Variants in DLG4 observed in about 807,000 individuals in gnomAD.
DLG4 encodes the protein disks large homolog 4.
DLG4 carries 7 observed loss-of-function variants against 93.8 expected under a neutral mutation model. The observed-to-expected ratio is 0.07, with a 90% CI of 0.04 to 0.14. The LOEUF (loss-of-function observed/expected upper bound fraction) is 0.14, where lower values mean the gene tolerates loss of function less well. DLG4 is among the 10% of genes least tolerant of loss of function. The pLI, the probability that DLG4 is intolerant of heterozygous loss-of-function variation, is 1.00. For missense variants in DLG4, 545 were observed against 992.9 expected, an observed-to-expected ratio of 0.55 and a Z score of 6.06; for synonymous variants, 341 against 387.6, an observed-to-expected ratio of 0.88 and a Z score of 1.41.
intron 1 of DLG4, among the ~76,000 whole-genome samples, chr17:7,213,101 T>TC (rs200498554): frequency 0.041 from 5,634 of 137,404 alleles, 313 homozygotes; most frequent in African/African-American, 0.14. Context: ...CTTTCTTTTT[T>TC]TTTTTTTTTT....
chr17:7,204,469 G>T (rs2070349906), intron 2 of DLG4: 2 of 524,368 alleles, frequency 3.8e-6, no homozygotes, highest in Non-Finnish European at 6.7e-6. Context: ...ATGCACACGC[G>T]CAAGGATCTA....
At chr17:7,216,134 G>A (rs771175159) in intron 1 of DLG4, among the ~76,000 whole-genome samples, 3 of 151,600 alleles carry the variant, frequency 2.0e-5, no homozygotes, top group Non-Finnish European at 4.4e-5. Flanking sequence ...AGTAACCTCA[G>A]TAACTTCGGT....
rs1344747675 is a variant in DLG4, at chr17:7,187,223, G to A, written c.*3485C>T. On this transcript the variant is annotated 3_prime_UTR_variant, in exon 20 of 20. Transcript: ENST00000399506. ...ATTTATTTGAATTGTTGTCAGGTACGTGTACTGATTATAATTTACAAAATA... is the reference window on the plus strand; with the variant it reads ...ATTTATTTGAATTGTTGTCAGGTACATGTACTGATTATAATTTACAAAATA... Among the ~76,000 whole-genome samples, 10 of 147,624 alleles carry A rather than the reference G, an allele frequency of 6.8e-5. No individual in the cohort carries two copies. The highest frequency in any genetic ancestry group is 6.4e-4 in the South Asian group (3 of 4,692).
Position 7,207,413 on chromosome 17 carries a change from G to T in DLG4, c.96+761C>A, listed in dbSNP as rs1473317324. Among the ~76,000 whole-genome samples, 4 of 152,152 alleles carry T rather than the reference G, an allele frequency of 2.6e-5. No homozygotes were observed. The East Asian group carries it at 7.7e-4, about 29-fold the overall frequency. Reference sequence around the variant, plus strand: ...AGAGGGGGAAGAGAACTCAGGAGTGGAGCAAAGCTGGGGCAGGGGACGAGG... The same window carrying T: ...AGAGGGGGAAGAGAACTCAGGAGTGTAGCAAAGCTGGGGCAGGGGACGAGG... On this transcript the variant is annotated intron_variant, in intron 2 of 19. Coordinates refer to ENST00000399506, the MANE Select transcript of DLG4 (RefSeq NM_001321075.3).
At position 7,196,155 on chromosome 17, in the gene DLG4, G is replaced by A. The variant is rs558401005; in HGVS notation, c.1301+65C>T. 1.5e-5 allele frequency: 19 copies of A among 1,293,604 alleles called. No individual in the cohort carries two copies. The highest frequency in any genetic ancestry group is 4.8e-5 in the East Asian group (2 of 42,078). The allele number at this position is 1,293,604 out of a possible 1,614,324, so 80.1% of individuals were successfully genotyped here. A position where few individuals can be genotyped will look rare whatever the true frequency, so the allele number is the denominator to read the frequency against. ...TGGAGAAGAGGAGCGGCTGAGGCCC[G>A]GGCCAGGCACAGAGTGCCCAGGAAC... On this transcript the variant is annotated intron_variant, in intron 11 of 19. Transcript: ENST00000399506. This position sits in a 1 kb window ranked among gnomAD's most constrained non-coding sequence, Gnocchi z 8.3.
chr17:7,213,091 C>CTTTTTTTTTTTTTTTT (rs1567551398), intron 1 of DLG4, among the ~76,000 whole-genome samples: 1 of 99,538 alleles, frequency 1.0e-5, no homozygotes, highest in African/African-American at 4.1e-5. Context: ...TTCTTTCTTT[C>CTTTTTTTTTTTTTTTT]TTTCTTTTTT....
At chr17:7,216,585 G>A (rs999005904) in intron 1 of DLG4, among the ~76,000 whole-genome samples, 3 of 152,076 alleles carry the variant, frequency 2.0e-5, no homozygotes, top group Non-Finnish European at 2.9e-5. Context: ...CCTAAATGCA[G>A]CCACCACGAG....
chr17:7,196,829 G>A lies in DLG4; in HGVS notation c.1011C>T (p.Phe337=). Residue 337 remains phenylalanine (F), a synonymous_variant, in exon 9 of 20, where the codon TTC becomes TTT. Coordinates refer to ENST00000399506, the MANE Select transcript of DLG4 (RefSeq NM_001321075.3). The surrounding 1 kb of genome is among the most constrained non-coding windows in gnomAD (Gnocchi z 8.3). ...GGCCCCCGGCCAGGATAAAGGAGAT[G>A]AAGATGCCTTCACCGTCCTCGCCAC... ...IVGGEDGEGI[F]ISFILAGGPA... 1 of 1,613,364 alleles carries A rather than the reference G, an allele frequency of 6.2e-7. No homozygotes were observed.
At chr17:7,202,854 G>A in intron 8 of DLG4, 49 bp downstream of exon 8, 2 of 1,610,258 alleles carry the variant, frequency 1.2e-6, no homozygotes, top group Non-Finnish European at 1.7e-6. Context: ...CATGTCATGG[G>A]TTAAACGGGA....
Position 7,191,233 on chromosome 17 carries a change from C to T in DLG4, c.2068+34G>A, listed in dbSNP as rs748175334. On this transcript the variant is annotated intron_variant, in intron 19 of 19. Transcript: ENST00000399506. The surrounding 1 kb of genome is among the most constrained non-coding windows in gnomAD (Gnocchi z 6.6). ...TCTTTCTAATCCGAGCAAGGGCACC[C>T]TACATGCTGGCAACAGCCTTGCTGT... is the stretch of plus-strand genomic sequence containing the variant. 1 of 1,606,922 alleles carries T rather than the reference C, an allele frequency of 6.2e-7. No individual in the cohort carries two copies. The highest frequency in any genetic ancestry group is 1.7e-5 in the Admixed American group (1 of 59,974).
At position 7,195,076 on chromosome 17, in the gene DLG4, G is replaced by T. The variant is rs373967879; in HGVS notation, c.1302-581C>A. 2.6e-5 allele frequency among the ~76,000 whole-genome samples: 4 copies of T among 151,482 alleles called. No homozygotes were observed. The highest frequency in any genetic ancestry group is 9.7e-5 in the African/African-American group (4 of 41,230). ...ACAGAAAGCAGTGTGCAGTACACAC[G>T]CACATCATAAAGTCACAGGGGTAAC... On this transcript the variant is annotated intron_variant, in intron 11 of 19. Transcript: ENST00000399506. This position sits in a 1 kb window ranked among gnomAD's most constrained non-coding sequence, Gnocchi z 4.3.
chr17:7,212,682 C>T (rs1453756942), intron 1 of DLG4, among the ~76,000 whole-genome samples: 1 of 152,100 alleles, frequency 6.6e-6, no homozygotes, highest in Non-Finnish European at 1.5e-5. Context: ...ACGGGAAGAT[C>T]GCTGGAGGCC....
Position 7,209,719 on chromosome 17 carries a change from A to G in DLG4, c.31-1480T>C, listed in dbSNP as rs570306198. ...CAAGAGGTGGAGGCTGCAGTGAGCC[A>G]TGATCACGCCACCGCACTCCAGCCT... is the stretch of plus-strand genomic sequence containing the variant. On this transcript the variant is annotated intron_variant, in intron 1 of 19. Transcript: ENST00000399506. Among the ~76,000 whole-genome samples the G allele has an allele frequency of 2.0e-5, 3 of 152,146 alleles. No individual in the cohort carries two copies. In the South Asian group the frequency reaches 6.2e-4, roughly 32 times the overall value.
In DLG4 at chr17:7,203,587, G is replaced by A. The variant is rs1055163572; in HGVS notation, c.342C>T (p.Asn114=). Residue 114 remains asparagine (N), a synonymous_variant, in exon 6 of 20, where the codon AAC becomes AAT. Transcript: ENST00000399506. The surrounding 1 kb of genome is among the most constrained non-coding windows in gnomAD (Gnocchi z 7.2). ...AAAQDGRLRV[N]DSILFVNEVD... ...CTTCATTTACAAACAGGATGCTGTC[G>A]TTGACCCTGGGAGCAGCAAGGTGGG... is the stretch of plus-strand genomic sequence containing the variant. 8 of 1,610,598 alleles carry A rather than the reference G, an allele frequency of 5.0e-6. No individual in the cohort carries two copies. The highest frequency in any genetic ancestry group is 2.2e-5 in the East Asian group (1 of 44,752).
chr17:7,204,507 T>A (rs942814898), intron 2 of DLG4: 1 of 427,598 alleles, frequency 2.3e-6, no homozygotes, highest in East Asian at 3.7e-5. Flanking sequence ...GCCCCCTGCA[T>A]GTGGAAGGAG....
chr17:7,207,055 G>A (rs773598882), intron 2 of DLG4, among the ~76,000 whole-genome samples: 65 of 152,048 alleles, frequency 4.3e-4, no homozygotes, highest in Non-Finnish European at 8.2e-4. Flanking sequence ...GGAGAGAGGA[G>A]GACGCTGTGA....
At position 7,194,593 on chromosome 17, in the gene DLG4, C is replaced by G; in HGVS notation, c.1302-98G>C. 1 of 1,339,982 alleles carries G rather than the reference C, an allele frequency of 7.5e-7. No homozygotes were observed. Among genetic ancestry groups the G allele is most frequent in the Non-Finnish European group, 1.0e-6 (1 of 987,000 alleles). 83.0% of individuals were successfully genotyped at this position (1,339,982 alleles called of 1,614,324 possible). On this transcript the variant is annotated intron_variant, in intron 11 of 19. Coordinates refer to ENST00000399506, the MANE Select transcript of DLG4 (RefSeq NM_001321075.3). The surrounding 1 kb of genome is among the most constrained non-coding windows in gnomAD (Gnocchi z 4.4). Reference sequence around the variant, plus strand: ...CCGGCCCAGAGGTCTGCAGATGGCACTCCCATGGGAGCTATGGATGCCGAG... The same window carrying G: ...CCGGCCCAGAGGTCTGCAGATGGCAGTCCCATGGGAGCTATGGATGCCGAG...
At position 7,211,575 on chromosome 17, in the gene DLG4, C is replaced by A. The variant is rs537114828; in HGVS notation, c.31-3336G>T. ...ACCCCGCACCAAGCAGAAGGAAGAG[C>A]GACAGCGCTTGAAGCTTGCACCCTG... On this transcript the variant is annotated intron_variant, in intron 1 of 19. Transcript: ENST00000399506. The A allele has an allele frequency of 6.0e-6, 3 of 504,034 alleles. No individual in the cohort carries two copies. The South Asian group carries it at 2.6e-4, about 43-fold the overall frequency. 31.2% of individuals were successfully genotyped at this position (504,034 alleles called of 1,614,324 possible).
At position 7,194,184 on chromosome 17, in the gene DLG4, G is replaced by A. The variant is rs2069649076; in HGVS notation, c.1478+135C>T. 2 of 1,350,182 alleles carry A rather than the reference G, an allele frequency of 1.5e-6. No individual in the cohort carries two copies. Among genetic ancestry groups the A allele is most frequent in the Non-Finnish European group, 1.0e-6 (1 of 998,606 alleles). 83.6% of individuals were successfully genotyped at this position (1,350,182 alleles called of 1,614,324 possible). On this transcript the variant is annotated intron_variant, in intron 12 of 19. Transcript: ENST00000399506. This position sits in a 1 kb window ranked among gnomAD's most constrained non-coding sequence, Gnocchi z 4.4. ...TTCCCAAAGGCTCATGGGAGCCACG[G>A]ACCCCAGGAGGGCCCAACAGACAAA...
Sources: allele counts gnomAD v4.1 joint callset (sites outside exome capture counted in the v4.1 genomes callset), GRCh38; gene constraint gnomAD v4.1.1; non-coding constraint Gnocchi (gnomAD v3.1); transcripts MANE v1.5; gene names NCBI Gene and HGNC (gene_info 2026-07-23, HGNC 2026-07-21).